Variants in DIAPH2 observed in about 807,000 individuals in gnomAD.
DIAPH2 encodes diaphanous related formin 2.
DIAPH2 carries 35 observed loss-of-function variants against 92.7 expected under a neutral mutation model. That is an observed-to-expected ratio of 0.38 (90% CI 0.29 to 0.50). DIAPH2 has a LOEUF of 0.50. Ranked by LOEUF, DIAPH2 falls within the 20% of genes least tolerant of loss-of-function variation. The pLI is 0.94. For synonymous variants in DIAPH2, 301 were observed against 280.4 expected (o/e 1.07, Z -0.73); for missense variants, 701 against 819.5 (o/e 0.86, Z 1.77).
intron 24 of DIAPH2, among the ~76,000 whole-genome samples, chrX:97,378,768 CAG>C (rs1418009483): frequency 8.9e-6 from 1 of 111,813 alleles, no homozygotes; most frequent in Non-Finnish European, 1.9e-5. Context: ...ACTACTATCT[CAG>C]TGACTCATAT....
intron 22 of DIAPH2, among the ~76,000 whole-genome samples, chrX:97,221,327 T>C (rs2067923118): frequency 8.9e-6 from 1 of 111,885 alleles, no homozygotes; most frequent in South Asian, 3.7e-4. Context: ...TTGTGTTAGG[T>C]CAAACCATGT....
intron 12 of DIAPH2, among the ~76,000 whole-genome samples, chrX:96,939,965 G>A: frequency 9.3e-6 from 1 of 106,968 alleles, no homozygotes; most frequent in South Asian, 4.2e-4. Context: ...GCCCGGCCCA[G>A]GTAACATTTT....
intron 22 of DIAPH2, among the ~76,000 whole-genome samples, chrX:97,243,022 G>A (rs1044718594): frequency 1.9e-5 from 2 of 107,123 alleles, no homozygotes; most frequent in Non-Finnish European, 3.9e-5. Context: ...TCCTGACCTC[G>A]TGATCTGCCC....
At chrX:97,162,266 C>G (rs1050164585) in intron 22 of DIAPH2, among the ~76,000 whole-genome samples, 2 of 111,135 alleles carry the variant, frequency 1.8e-5, no homozygotes, top group African/African-American at 6.5e-5. Flanking sequence ...TTCCTAGATT[C>G]AAGTCATTTC....
At chrX:97,057,974 T>TAA (rs747388371) in intron 17 of DIAPH2, among the ~76,000 whole-genome samples, 2,902 of 100,126 alleles carry the variant, frequency 0.029, 103 homozygotes, top group African/African-American at 0.099. Context: ...TTGTTGTCAG[T>TAA]AAAAAAAAAA....
At chrX:96,687,341 C>T (rs73250712) in intron 1 of DIAPH2, among the ~76,000 whole-genome samples, 11,470 of 111,615 alleles carry the variant, frequency 0.1, 528 homozygotes, top group Middle Eastern at 0.16. Flanking sequence ...TCAGTCGCTC[C>T]AGTATAATGG....
At chrX:97,438,841 A>G (rs1351449312) in intron 26 of DIAPH2, among the ~76,000 whole-genome samples, 1 of 112,195 alleles carries the variant, frequency 8.9e-6, no homozygotes, top group Non-Finnish European at 1.9e-5. Flanking sequence ...CTTGAATGGA[A>G]TTGTCAATCA....
At chrX:97,082,753 C>A (rs1001273435) in intron 19 of DIAPH2, among the ~76,000 whole-genome samples, 1 of 111,534 alleles carries the variant, frequency 9.0e-6, no homozygotes, top group African/African-American at 3.3e-5. Context: ...ATACCATAAC[C>A]CCTCCTCTAA....
chrX:97,220,937 A>T (rs889727252), intron 22 of DIAPH2, among the ~76,000 whole-genome samples: 3 of 111,582 alleles, frequency 2.7e-5, no homozygotes, highest in Middle Eastern at 4.7e-3. Flanking sequence ...CATATTAACA[A>T]CCCTGATAAT....
intron 5 of DIAPH2, 42 bp downstream of exon 5, chrX:96,881,760 T>C (rs986240322): frequency 4.3e-6 from 5 of 1,157,905 alleles, no homozygotes; most frequent in Non-Finnish European, 4.7e-6. Flanking sequence ...ATACAATTTG[T>C]AGTGCATATA....
At chrX:96,735,583 A>G (rs1484280099) in intron 1 of DIAPH2, among the ~76,000 whole-genome samples, 175 bp from the exon 2 acceptor site, 2 of 112,110 alleles carry the variant, frequency 1.8e-5, no homozygotes, top group Admixed American at 9.5e-5. Flanking sequence ...ATTTTTAATC[A>G]TTAAAAAGAT....
At chrX:96,888,301 C>T (rs1198187439) in intron 5 of DIAPH2, among the ~76,000 whole-genome samples, 5 of 108,665 alleles carry the variant, frequency 4.6e-5, no homozygotes, top group East Asian at 2.9e-4. Context: ...CCTCGTGATC[C>T]GCCTGCCTCG....
chrX:97,531,540 T>C (rs1022668663), intron 26 of DIAPH2, among the ~76,000 whole-genome samples: 1 of 112,155 alleles, frequency 8.9e-6, no homozygotes. Flanking sequence ...CATTCTGTTT[T>C]ACAAGACCAA....
At chrX:96,824,115 C>T (rs1162251604) in intron 4 of DIAPH2, among the ~76,000 whole-genome samples, 1 of 110,234 alleles carries the variant, frequency 9.1e-6, no homozygotes, top group Non-Finnish European at 1.9e-5. Context: ...TTATTTTCAC[C>T]ACATCTGTAG....
intron 23 of DIAPH2, among the ~76,000 whole-genome samples, chrX:97,283,650 T>C (rs773842073): frequency 8.9e-6 from 1 of 112,870 alleles, no homozygotes; most frequent in East Asian, 2.8e-4. Context: ...ATATTTAAAA[T>C]ATTTAACAAC....
At chrX:97,247,177 C>T (rs2068149569) in intron 22 of DIAPH2, among the ~76,000 whole-genome samples, 1 of 111,463 alleles carries the variant, frequency 9.0e-6, no homozygotes, top group African/African-American at 3.3e-5. Context: ...CTGGGGTTTG[C>T]TCTAAATTAT....
At chrX:97,577,604 G>C (rs1468301678) in intron 26 of DIAPH2, among the ~76,000 whole-genome samples, 1 of 111,623 alleles carries the variant, frequency 9.0e-6, no homozygotes, top group Admixed American at 9.6e-5. Flanking sequence ...TGGAGGGGAA[G>C]GAGAAGGCAA....
rs1237593769 is a variant in DIAPH2 at position 97,445,914 on chromosome X, GA to G, written c.3241+16177del. On this transcript the variant is annotated intron_variant, in intron 26 of 26. Coordinates refer to ENST00000324765, the MANE Select transcript of DIAPH2 (RefSeq NM_006729.5). ...AGCATTCTGTCTGGTTTATGGGGGG[GA>G]AAAAAAACCAAGAGCGACGATACAC... Among the ~76,000 whole-genome samples the G allele has an allele frequency of 3.3e-3, 331 of 100,056 alleles. 2 individuals carry two copies. Among genetic ancestry groups the G allele is most frequent in the Middle Eastern group, 0.025 (5 of 199 alleles). 86.9% of individuals were successfully genotyped at this position (100,056 alleles called of 115,157 possible).
At chrX:97,062,613 A>G (rs5920720) in intron 17 of DIAPH2, among the ~76,000 whole-genome samples, 38,935 of 110,654 alleles carry the variant, frequency 0.35, 6,222 homozygotes, top group South Asian at 0.54. Context: ...TGTTCAGGAA[A>G]CAAGAGAACT....
Sources: gnomAD v4.1 joint callset for allele counts (sites outside exome capture counted in the v4.1 genomes callset) on GRCh38, gnomAD v4.1.1 for gene constraint, MANE v1.5 for transcripts, NCBI Gene and HGNC (gene_info 2026-07-23, HGNC 2026-07-21) for gene names.